Variants in MYO5A observed in about 807,000 individuals in gnomAD.
MYO5A encodes myosin VA.
A neutral mutation model predicts 249.7 loss-of-function variants in MYO5A; 98 were observed. The observed-to-expected ratio is 0.39, with a 90% CI of 0.33 to 0.46. The LOEUF is 0.46. Among genes scored for constraint, MYO5A ranks in the 20% least tolerant of loss-of-function variants. The pLI is 0.98. For synonymous variants in MYO5A, 778 were observed against 810.6 expected (o/e 0.96, Z 0.68); for missense variants, 1,696 against 2,308.8 (o/e 0.73, Z 5.44).
intron 14 of MYO5A, 111 bp downstream of exon 14, chr15:52,387,718 A>G (rs2042027510): frequency 1.2e-6 from 1 of 825,414 alleles, no homozygotes; most frequent in Admixed American, 2.0e-5. Context: ...AGTGTTATAT[A>G]TTTGGTAAAT....
chr15:52,442,736 C>A (rs1359444891), intron 1 of MYO5A, among the ~76,000 whole-genome samples: 2 of 149,844 alleles, frequency 1.3e-5, no homozygotes, highest in Non-Finnish European at 3.0e-5. Context: ...CTATGCCCAC[C>A]CATTGTTAAA....
chr15:52,524,211 A>AAAAAC (rs2077684311), intron 1 of MYO5A, among the ~76,000 whole-genome samples: 1 of 152,252 alleles, frequency 6.6e-6, no homozygotes. Context: ...AGCTTCAGGT[A>AAAAAC]AAAACAAAAC....
At chr15:52,320,550 T>C (rs975780632) in intron 38 of MYO5A, among the ~76,000 whole-genome samples, 13 of 152,200 alleles carry the variant, frequency 8.5e-5, no homozygotes, top group African/African-American at 2.2e-4. Flanking sequence ...GAAGAAAACA[T>C]TGCCATCTCC....
chr15:52,340,695 T>C (rs1175649086), intron 31 of MYO5A, among the ~76,000 whole-genome samples: 3 of 152,092 alleles, frequency 2.0e-5, no homozygotes, highest in Non-Finnish European at 4.4e-5. Flanking sequence ...GCCTGTAATC[T>C]CAGCACTTTG....
At chr15:52,419,306 G>C (rs1430835145) in intron 4 of MYO5A, among the ~76,000 whole-genome samples, 1 of 152,174 alleles carries the variant, frequency 6.6e-6, no homozygotes, top group African/African-American at 2.4e-5. Context: ...TTGTTAAAAA[G>C]AGAAAATATT....
At chr15:52,409,825 A>G (rs2043169374) in intron 6 of MYO5A, among the ~76,000 whole-genome samples, 1 of 145,490 alleles carries the variant, frequency 6.9e-6, no homozygotes, top group South Asian at 2.2e-4. Flanking sequence ...GTGGATGTAA[A>G]CCCTACCCAG....
intron 1 of MYO5A, among the ~76,000 whole-genome samples, chr15:52,494,421 A>C (rs542295842): frequency 2.2e-4 from 34 of 152,328 alleles, no homozygotes; most frequent in African/African-American, 8.2e-4. Flanking sequence ...TTACAAATAT[A>C]CTATAGTATT....
chr15:52,467,715 T>C lies in MYO5A; in HGVS notation c.28-34430A>G, dbSNP rs1481590294. On this transcript the variant is annotated intron_variant, in intron 1 of 41. Coordinates refer to ENST00000399233, the MANE Select transcript of MYO5A (RefSeq NM_001382347.1). ...CTGCAAAAAAAACTTCACCACAGCATATTATCATCAGACTGTCTAAAGTCA... is the reference window on the plus strand; with the variant it reads ...CTGCAAAAAAAACTTCACCACAGCACATTATCATCAGACTGTCTAAAGTCA... Among the ~76,000 whole-genome samples the C allele has an allele frequency of 3.9e-5, 6 of 152,118 alleles. No homozygotes were observed. The South Asian group carries it at 1.2e-3, about 32-fold the overall frequency.
chr15:52,381,524 T>C (rs2041737835), intron 16 of MYO5A, among the ~76,000 whole-genome samples: 2 of 152,170 alleles, frequency 1.3e-5, no homozygotes, highest in African/African-American at 4.8e-5. Context: ...AATGAGATAA[T>C]CAGACAAATA....
intron 25 of MYO5A, among the ~76,000 whole-genome samples, chr15:52,357,225 T>C (rs187043373): frequency 9.6e-4 from 146 of 152,260 alleles, no homozygotes; most frequent in African/African-American, 3.4e-3. Flanking sequence ...TTATATATTT[T>C]AATGTTTGTT....
chr15:52,336,474 C>T lies in MYO5A; in HGVS notation c.4397G>A (p.Gly1466Asp), dbSNP rs201007049. The part of the protein sequence containing the change: ...KQLKVFAKKI[G>D]ELEVGQMENI... ...AAAGGTTTAAATACCTTCTAGTTCGCCAATTTTTTTGGCAAATACTTTCAG... is the reference window on the plus strand; with the variant it reads ...AAAGGTTTAAATACCTTCTAGTTCGTCAATTTTTTTGGCAAATACTTTCAG... The change falls in exon 34 of 42, where the codon GGC becomes GAC. Residue 1466 changes from glycine (G) to aspartate (D), a missense_variant. By Grantham distance (94) the Gly-to-Asp change is moderately conservative. Around this residue, in one of 5 missense-constraint regions of MYO5A, gnomAD observed 625 missense variants for 908.1 expected, o/e 0.69. Coordinates refer to ENST00000399233, the MANE Select transcript of MYO5A (RefSeq NM_001382347.1). 18 of 1,601,808 alleles carry T rather than the reference C, an allele frequency of 1.1e-5. No individual in the cohort carries two copies. Among genetic ancestry groups the T allele is most frequent in the Non-Finnish European group, 1.4e-5 (16 of 1,171,788 alleles).
intron 11 of MYO5A, 116 bp from the exon 12 acceptor site, chr15:52,392,186 C>A: frequency 3.0e-6 from 3 of 997,984 alleles, no homozygotes; most frequent in African/African-American, 1.6e-5. Flanking sequence ...AACAACCTCA[C>A]GGGAGAAGCA....
At chr15:52,459,174 T>TTTTTTTTTTTTTA (rs869125569) in intron 1 of MYO5A, among the ~76,000 whole-genome samples, 1 of 131,170 alleles carries the variant, frequency 7.6e-6, no homozygotes, top group African/African-American at 3.0e-5. Context: ...TTTTTTTTTT[T>TTTTTTTTTTTTTA]AGTATTTATT....
intron 16 of MYO5A, among the ~76,000 whole-genome samples, chr15:52,380,416 A>G (rs1385676707): frequency 6.6e-6 from 1 of 151,880 alleles, no homozygotes; most frequent in African/African-American, 2.4e-5. Context: ...AGCCTGGGTG[A>G]CAGAATGAGA....
At chr15:52,382,814 A>G (rs1403655265) in intron 16 of MYO5A, among the ~76,000 whole-genome samples, 1 of 152,196 alleles carries the variant, frequency 6.6e-6, no homozygotes, top group Non-Finnish European at 1.5e-5. Flanking sequence ...AGAGAGATCA[A>G]TTGAAGTAAA....
Position 52,317,042 on chromosome 15 carries a change from C to T in MYO5A, c.5409+6G>A. 4 of 1,612,880 alleles carry T rather than the reference C, an allele frequency of 2.5e-6. No individual in the cohort carries two copies. The highest frequency in any genetic ancestry group is 3.4e-6 in the Non-Finnish European group (4 of 1,178,884). ...AATTATTTTGTAACAGGGAAAGTTGCTCTACCTGGGCAGTAGTTAAAGCAT... is the reference window on the plus strand; with the variant it reads ...AATTATTTTGTAACAGGGAAAGTTGTTCTACCTGGGCAGTAGTTAAAGCAT... On this transcript the variant is annotated splice_donor_region_variant and intron_variant, in intron 40 of 41. Coordinates refer to ENST00000399233, the MANE Select transcript of MYO5A (RefSeq NM_001382347.1).
rs543769504 is a variant in MYO5A at position 52,432,780 on chromosome 15, C to G, written c.138+395G>C. Among the ~76,000 whole-genome samples the G allele has an allele frequency of 1.1e-3, 173 of 152,270 alleles. 1 individual carries two copies. Among genetic ancestry groups the G allele is most frequent in the Admixed American group, 4.3e-3 (65 of 15,294 alleles). On this transcript the variant is annotated intron_variant, in intron 2 of 41. Coordinates refer to ENST00000399233, the MANE Select transcript of MYO5A (RefSeq NM_001382347.1). ...TCCCCGCCTTCCTCCCAACTAGTAT[C>G]TTCCCCTCAGTTTTGCTCTCCATGC...
intron 5 of MYO5A, among the ~76,000 whole-genome samples, chr15:52,412,967 G>C (rs533550108): frequency 1.3e-5 from 2 of 152,086 alleles, no homozygotes; most frequent in East Asian, 3.9e-4. Context: ...GACCAACACG[G>C]TGAAACCCTA....
chr15:52,429,206 T>G (rs1037064473), intron 2 of MYO5A, among the ~76,000 whole-genome samples: 1 of 151,390 alleles, frequency 6.6e-6, no homozygotes, highest in Non-Finnish European at 1.5e-5. Flanking sequence ...ATAGTTTTCA[T>G]GAGATTTTTG....
Sources: allele counts gnomAD v4.1 joint callset (sites outside exome capture counted in the v4.1 genomes callset), GRCh38; gene constraint gnomAD v4.1.1; regional missense constraint gnomAD v4.1.1; transcripts MANE v1.5; gene names NCBI Gene and HGNC (gene_info 2026-07-23, HGNC 2026-07-21).